The following SMO variants were observed in gnomAD, a reference collection of about 807,000 sequenced individuals.
The protein encoded by SMO is protein smoothened.
Under a neutral mutation model 81.6 loss-of-function variants are expected in SMO, and 40 were observed. The observed-to-expected ratio is 0.49, with a 90% confidence interval of 0.38 to 0.64. The LOEUF is 0.64. SMO is among the 30% of genes least tolerant of loss of function. The pLI, the probability that SMO is intolerant of heterozygous loss-of-function variation, is 0.00. For missense variants in SMO, 916 were observed against 1,061.1 expected, an observed-to-expected ratio of 0.86 and a Z score of 1.90; for synonymous variants, 434 against 432.1, an observed-to-expected ratio of 1.00 and a Z score of -0.05.
In SMO at chr7:129,201,667, T is replaced by C. The variant is rs546111214; in HGVS notation, c.332-1717T>C. On this transcript the variant is annotated intron_variant, in intron 1 of 11. Transcript: ENST00000249373. Reference sequence around the variant, plus strand: ...TACTCAGAATTTCTGGTGACTGTTTTTGGGTTTTTTGTTTTTTATTTTTTT... The same window carrying C: ...TACTCAGAATTTCTGGTGACTGTTTCTGGGTTTTTTGTTTTTTATTTTTTT... 1.2e-3 allele frequency among the ~76,000 whole-genome samples: 175 copies of C among 152,134 alleles called. 7 individuals are homozygous for C. The South Asian group carries it at 0.035, about 30-fold the overall frequency.
intron 1 of SMO, among the ~76,000 whole-genome samples, chr7:129,196,327 T>TTGTGTGTG (rs57674265): frequency 0.01 from 1,502 of 145,124 alleles, 8 homozygotes; most frequent in Admixed American, 0.013. Flanking sequence ...CTATTCTTGA[T>TTGTGTGTG]TGTGTGTGTG....
chr7:129,212,985 A>C lies in SMO; in HGVS notation c.*534A>C. The C allele has an allele frequency of 3.8e-6, 1 of 265,150 alleles. No individual in the cohort carries two copies. The highest frequency in any genetic ancestry group is 7.2e-6 in the Non-Finnish European group (1 of 139,124). The allele number at this position is 265,150 out of a possible 1,614,324, so 16.4% of individuals were successfully genotyped here. ...CTCTCCCAGGTGTTTGTGGGGCTGG[A>C]AGGACCTGCTCCCACAGGGGCCATG... On this transcript the variant is annotated 3_prime_UTR_variant, in exon 12 of 12. Coordinates refer to ENST00000249373, the MANE Select transcript of SMO (RefSeq NM_005631.5). The surrounding 1 kb of genome is among the most constrained non-coding windows in gnomAD (Gnocchi z 5.0).
Position 129,211,264 on chromosome 7 carries a change from C to A in SMO, c.1801+151C>A. 1.2e-6 allele frequency: 1 copy of A among 860,776 alleles called. No homozygotes were observed. Among genetic ancestry groups the A allele is most frequent in the Non-Finnish European group, 1.9e-6 (1 of 534,280 alleles). The allele number at this position is 860,776 out of a possible 1,614,324, so 53.3% of individuals were successfully genotyped here. On this transcript the variant is annotated intron_variant, in intron 10 of 11. Coordinates refer to ENST00000249373, the MANE Select transcript of SMO (RefSeq NM_005631.5). This position sits in a 1 kb window ranked among gnomAD's most constrained non-coding sequence, Gnocchi z 4.6. ...CCATCGCTCACACACCCATTCTTCC[C>A]CCGGCCCCTCCTACCCTCTGGGGGG...
chr7:129,210,227 C>T lies in SMO; in HGVS notation c.1467-136C>T. 1 of 681,372 alleles carries T rather than the reference C, an allele frequency of 1.5e-6. No homozygotes were observed. 42.2% of individuals were successfully genotyped at this position (681,372 alleles called of 1,614,324 possible). ...AGGCTGAAGCAGGAGATTGCCTGAG[C>T]CCAGGAGTTGGAAGCTGCAGTGGGT... On this transcript the variant is annotated intron_variant, in intron 8 of 11. Coordinates refer to ENST00000249373, the MANE Select transcript of SMO (RefSeq NM_005631.5). The surrounding 1 kb of genome is among the most constrained non-coding windows in gnomAD (Gnocchi z 4.7).
At chr7:129,204,740 G>A (rs1036354234) in intron 2 of SMO, among the ~76,000 whole-genome samples, 2 of 151,762 alleles carry the variant, frequency 1.3e-5, no homozygotes, top group Non-Finnish European at 1.5e-5. Context: ...GAAACTGGCC[G>A]GGCGCAGTGG....
Position 129,211,189 on chromosome 7 carries a change from G to GAGA in SMO, c.1801+76_1801+77insAGA. 2.7e-6 allele frequency: 4 copies of GAGA among 1,471,958 alleles called. No individual in the cohort carries two copies. The highest frequency in any genetic ancestry group is 1.2e-5 in the South Asian group (1 of 80,424). 91.2% of individuals were successfully genotyped at this position (1,471,958 alleles called of 1,614,324 possible). ...GTGCTAGTCTCTCCCAGCCTGCTGG[G>GAGA]GGCACACAGATTATTTGGAAGACCG... On this transcript the variant is annotated intron_variant, in intron 10 of 11. Coordinates refer to ENST00000249373, the MANE Select transcript of SMO (RefSeq NM_005631.5). The surrounding 1 kb of genome is among the most constrained non-coding windows in gnomAD (Gnocchi z 4.6).
intron 1 of SMO, among the ~76,000 whole-genome samples, chr7:129,200,887 C>T (rs1793657719): frequency 6.6e-6 from 1 of 152,092 alleles, no homozygotes; most frequent in Non-Finnish European, 1.5e-5. Context: ...AGGCGTGGAC[C>T]ACCACGCCTG....
intron 7 of SMO, 196 bp from the exon 8 acceptor site, chr7:129,209,092 GT>G: frequency 1.6e-6 from 1 of 609,296 alleles, no homozygotes; most frequent in East Asian, 2.8e-5. Context: ...TACGTCCCAC[GT>G]GGTCCCTCCC....
At position 129,206,365 on chromosome 7, in the gene SMO, C is replaced by T. The variant is rs761081288; in HGVS notation, c.1136C>T (p.Ala379Val). 1.1e-5 allele frequency: 18 copies of T among 1,614,114 alleles called. No homozygotes were observed. The highest frequency in any genetic ancestry group is 1.6e-4 in the Middle Eastern group (1 of 6,062). The change falls in exon 5 of 12, where the codon GCG (alanine) becomes GTG (valine). Residue 379 changes from alanine (A) to valine (V), a missense_variant. Ala to Val is a moderately conservative substitution (Grantham distance 64). Coordinates refer to ENST00000249373, the MANE Select transcript of SMO (RefSeq NM_005631.5). This position sits in a 1 kb window ranked among gnomAD's most constrained non-coding sequence, Gnocchi z 4.4. The part of the protein sequence containing the change: ...FVLTVAILAV[A>V]QVDGDSVSGI... ...CTCACTGTGGCAATCCTTGCTGTGG[C>T]GCAGGTATAGTGACTGGTAGGAACG...
Position 129,206,510 on chromosome 7 carries a change from A to G in SMO, c.1187A>G (p.Asn396Ser), listed in dbSNP as rs1203228554. 6 of 1,614,052 alleles carry G rather than the reference A, an allele frequency of 3.7e-6. No homozygotes were observed. Among genetic ancestry groups the G allele is most frequent in the Non-Finnish European group, 5.1e-6 (6 of 1,180,026 alleles). ...VSGICFVGYK[N>S]YRYRAGFVLA... ...GGGATTTGTTTTGTGGGCTACAAGA[A>G]CTACCGATACCGTGCGGGCTTCGTG... The change falls in exon 6 of 12, where the codon AAC (asparagine) becomes AGC (serine). Residue 396 changes from asparagine to serine, a missense_variant. Transcript: ENST00000249373. The surrounding 1 kb of genome is among the most constrained non-coding windows in gnomAD (Gnocchi z 4.4).
chr7:129,204,090 T>G (rs1393333805), intron 2 of SMO, among the ~76,000 whole-genome samples: 4 of 152,148 alleles, frequency 2.6e-5, no homozygotes, highest in Non-Finnish European at 5.9e-5. Flanking sequence ...CCCAGCACTT[T>G]GGGAGGTCGA....
intron 1 of SMO, among the ~76,000 whole-genome samples, chr7:129,202,489 T>A (rs905651429): frequency 6.6e-6 from 1 of 152,204 alleles, no homozygotes; most frequent in Admixed American, 6.5e-5. Context: ...AAATAGATAT[T>A]GCTGAAGCAG....
intron 1 of SMO, among the ~76,000 whole-genome samples, chr7:129,201,142 G>A (rs760209600): frequency 1.3e-5 from 2 of 151,844 alleles, no homozygotes; most frequent in Non-Finnish European, 2.9e-5. Flanking sequence ...TGCCTCCTGG[G>A]TTCAAGTGAT....
At position 129,213,116 on chromosome 7, in the gene SMO, G is replaced by A. The variant is rs923202447; in HGVS notation, c.*665G>A. On this transcript the variant is annotated 3_prime_UTR_variant, in exon 12 of 12. Coordinates refer to ENST00000249373, the MANE Select transcript of SMO (RefSeq NM_005631.5). ...GTTTCAGCGGTGCCAACCTCTTTGC[G>A]TTTCCTTTTTGTTGATGAGGACCCA... 17 of 235,226 alleles carry A rather than the reference G, an allele frequency of 7.2e-5. No individual in the cohort carries two copies. Among genetic ancestry groups the A allele is most frequent in the Middle Eastern group, 1.2e-3 (1 of 824 alleles). The allele number at this position is 235,226 out of a possible 1,614,324, so 14.6% of individuals were successfully genotyped here.
Position 129,210,896 on chromosome 7 carries a change from G to A in SMO, c.1653-69G>A, listed in dbSNP as rs1793857810. 1 of 1,509,936 alleles carries A rather than the reference G, an allele frequency of 6.6e-7. No individual in the cohort carries two copies. Among genetic ancestry groups the A allele is most frequent in the Non-Finnish European group, 8.9e-7 (1 of 1,117,616 alleles). The allele number at this position is 1,509,936 out of a possible 1,614,324, so 93.5% of individuals were successfully genotyped here. The stretch of plus-strand genomic sequence containing the variant: ...CTTCTCTGGAAAGAATGGCATCGCT[G>A]GCCCTTCCCAAGATTTGATGGGAAG... On this transcript the variant is annotated intron_variant, in intron 9 of 11. Coordinates refer to ENST00000249373, the MANE Select transcript of SMO (RefSeq NM_005631.5). This position sits in a 1 kb window ranked among gnomAD's most constrained non-coding sequence, Gnocchi z 4.7.
intron 1 of SMO, among the ~76,000 whole-genome samples, chr7:129,199,460 G>A (rs1793632121): frequency 6.6e-6 from 1 of 152,150 alleles, no homozygotes; most frequent in Non-Finnish European, 1.5e-5. Context: ...GGGATTACAG[G>A]CGTGAGCCAC....
chr7:129,207,815 C>T (rs1319706219), intron 6 of SMO, among the ~76,000 whole-genome samples: 1 of 152,038 alleles, frequency 6.6e-6, no homozygotes, highest in Non-Finnish European at 1.5e-5. Flanking sequence ...CTTGCTTGAG[C>T]CCAGGAGGTT....
chr7:129,205,638 C>T lies in SMO; in HGVS notation c.776C>T (p.Ser259Leu), dbSNP rs1793751749. The change falls in exon 4 of 12, where the codon TCG (serine) becomes TTG (leucine). Residue 259 changes from serine to leucine, a missense_variant. Around this residue, in one of 4 missense-constraint regions of SMO, gnomAD observed 436 missense variants for 570.9 expected, o/e 0.76. Transcript: ENST00000249373. ...LATFVADWRN[S>L]NRYPAVILFY... ...ACATTCGTGGCTGACTGGCGGAACT[C>T]GAATCGCTACCCTGCTGTTATTCTC... 14 of 1,613,922 alleles carry T rather than the reference C, an allele frequency of 8.7e-6. No individual in the cohort carries two copies. Among genetic ancestry groups the T allele is most frequent in the Non-Finnish European group, 1.1e-5 (13 of 1,179,828 alleles).
intron 1 of SMO, among the ~76,000 whole-genome samples, chr7:129,196,567 C>G (rs1056939712): frequency 6.6e-6 from 1 of 151,978 alleles, no homozygotes; most frequent in Non-Finnish European, 1.5e-5. Context: ...AAACATTGAA[C>G]ATTTATATAT....
Sources: gnomAD v4.1 joint callset for allele counts (sites outside exome capture counted in the v4.1 genomes callset) on GRCh38, gnomAD v4.1.1 for gene constraint, gnomAD v4.1.1 regional missense constraint, Gnocchi (gnomAD v3.1) non-coding constraint, MANE v1.5 for transcripts, NCBI Gene and HGNC (gene_info 2026-07-23, HGNC 2026-07-21) for gene names.